The following SERPINB5 variants were observed in gnomAD, a reference collection of about 807,000 sequenced individuals.
SERPINB5 encodes serpin family B member 5, also known as serpin B5.
SERPINB5 carries 27 observed loss-of-function variants against 32.2 expected under a neutral mutation model. The observed-to-expected ratio is 0.84, with a 90% CI of 0.62 to 1.16. SERPINB5 has a LOEUF of 1.16. Ranked by LOEUF, SERPINB5 falls within the 50% of genes most tolerant of loss-of-function variation. The pLI, the probability that SERPINB5 is intolerant of heterozygous loss-of-function variation, is 0.00. For synonymous variants in SERPINB5, 154 were observed against 157.4 expected (o/e 0.98, Z 0.16); for missense variants, 388 against 436.3 (o/e 0.89, Z 0.99).
rs1917177682 is a variant in SERPINB5, at chr18:63,484,688, G to T, written c.168+92G>T. ...TACGGAAAAAAGGAATGTAGACTTT[G>T]TGGCCAGAATTGGTCAAGATTCAGA... On this transcript the variant is annotated intron_variant, in intron 2 of 6. Coordinates refer to ENST00000382771, the MANE Select transcript of SERPINB5 (RefSeq NM_002639.5). 9 of 1,119,368 alleles carry T rather than the reference G, an allele frequency of 8.0e-6. No individual in the cohort carries two copies. In the South Asian group the frequency reaches 1.2e-4, roughly 15 times the overall value. 69.3% of individuals were successfully genotyped at this position (1,119,368 alleles called of 1,614,324 possible). A position where few individuals can be genotyped will look rare whatever the true frequency, so the allele number is the denominator to read the frequency against.
intron 6 of SERPINB5, among the ~76,000 whole-genome samples, chr18:63,500,730 A>G (rs1256099555): frequency 6.6e-6 from 1 of 152,074 alleles, no homozygotes; most frequent in Non-Finnish European, 1.5e-5. Flanking sequence ...GGGCTCTTTG[A>G]AGGCCTGGAT....
intron 2 of SERPINB5, among the ~76,000 whole-genome samples, chr18:63,486,321 T>C: frequency 6.6e-6 from 1 of 152,172 alleles, no homozygotes; most frequent in East Asian, 1.9e-4. Flanking sequence ...CACCATTTAT[T>C]GTAGCTGCCC....
At chr18:63,491,287 A>G (rs916656786) in intron 4 of SERPINB5, among the ~76,000 whole-genome samples, 1 of 150,696 alleles carries the variant, frequency 6.6e-6, no homozygotes, top group Admixed American at 6.6e-5. Context: ...CTGTAGTCCC[A>G]GCTACTTGGG....
At chr18:63,479,263 A>T (rs1599385991) in intron 1 of SERPINB5, among the ~76,000 whole-genome samples, 3 of 152,212 alleles carry the variant, frequency 2.0e-5, no homozygotes, top group African/African-American at 4.8e-5. Flanking sequence ...TGTCCCAGGC[A>T]AAGTGGGATG....
chr18:63,484,700 G>A, intron 2 of SERPINB5, 104 bp downstream of exon 2: 1 of 811,300 alleles, frequency 1.2e-6, no homozygotes, highest in Non-Finnish European at 1.8e-6. Context: ...GGCCAGAATT[G>A]GTCAAGATTC....
At chr18:63,491,347 A>C (rs1441454014) in intron 4 of SERPINB5, among the ~76,000 whole-genome samples, 1 of 138,016 alleles carries the variant, frequency 7.2e-6, no homozygotes, top group African/African-American at 2.7e-5. Flanking sequence ...GGTTGCAATG[A>C]GCTGAGATCG....
At chr18:63,493,398 T>C (rs1909381720) in intron 5 of SERPINB5, 2 of 552,568 alleles carry the variant, frequency 3.6e-6, no homozygotes, top group Admixed American at 3.3e-5. Context: ...CTGAGAACTT[T>C]AGCAGAAAAG....
intron 5 of SERPINB5, chr18:63,493,411 A>G (rs751294630): frequency 3.8e-5 from 21 of 550,624 alleles, no homozygotes; most frequent in Middle Eastern, 4.7e-4. Context: ...CAGAAAAGGA[A>G]AAGACCAAAC....
chr18:63,495,641 A>G (rs558776493), intron 5 of SERPINB5, among the ~76,000 whole-genome samples: 3 of 152,354 alleles, frequency 2.0e-5, no homozygotes, highest in African/African-American at 4.8e-5. Flanking sequence ...TACTTTTTTC[A>G]TTAAGAAAGT....
chr18:63,484,854 C>A (rs541909158), intron 2 of SERPINB5, among the ~76,000 whole-genome samples: 23 of 145,824 alleles, frequency 1.6e-4, no homozygotes, highest in Admixed American at 1.3e-3. Flanking sequence ...GATTGTTGTG[C>A]CTCAGCCTGC....
intron 6 of SERPINB5, among the ~76,000 whole-genome samples, chr18:63,502,998 C>G (rs930715980): frequency 2.0e-5 from 3 of 151,764 alleles, no homozygotes; most frequent in Non-Finnish European, 4.4e-5. Flanking sequence ...CACTCCAGCC[C>G]GGGTGACAGA....
At chr18:63,485,265 T>C (rs935387747) in intron 2 of SERPINB5, among the ~76,000 whole-genome samples, 9 of 150,530 alleles carry the variant, frequency 6.0e-5, no homozygotes, top group African/African-American at 1.9e-4. Context: ...TTTGTAAAGT[T>C]CTTAGACCTT....
intron 5 of SERPINB5, chr18:63,493,448 C>T (rs373929131): frequency 7.4e-5 from 36 of 486,340 alleles, no homozygotes; most frequent in Admixed American, 1.9e-4. Context: ...TTTGGATTAT[C>T]ATGAAACCTT....
intron 2 of SERPINB5, chr18:63,486,008 A>G (rs1373931384): frequency 6.8e-6 from 1 of 146,080 alleles, no homozygotes; most frequent in Non-Finnish European, 1.5e-5. Flanking sequence ...TGGAACAATA[A>G]AAAAAAAAAA....
At position 63,504,392 on chromosome 18, in the gene SERPINB5, G is replaced by A. The variant is rs1051905111; in HGVS notation, c.*670G>A. On this transcript the variant is annotated 3_prime_UTR_variant, in exon 7 of 7. Coordinates refer to ENST00000382771, the MANE Select transcript of SERPINB5 (RefSeq NM_002639.5). ...CCTTAATATGCTGCAACAAAATGTA[G>A]AATATTCAGACAAAATGGATACATA... 6.6e-6 allele frequency: 1 copy of A among 152,190 alleles called. No individual in the cohort carries two copies. The highest frequency in any genetic ancestry group is 1.5e-5 in the Non-Finnish European group (1 of 68,046). 9.4% of individuals were successfully genotyped at this position (152,190 alleles called of 1,614,324 possible).
At position 63,504,227 on chromosome 18, in the gene SERPINB5, A is replaced by G. The variant is rs1259346684; in HGVS notation, c.*505A>G. On this transcript the variant is annotated 3_prime_UTR_variant, in exon 7 of 7. Coordinates refer to ENST00000382771, the MANE Select transcript of SERPINB5 (RefSeq NM_002639.5). ...ATGCTCAGGCTACTATAGGTCCAGA[A>G]GTCCTTATGTTAAGCCCTGGCAGGC... 6.4e-6 allele frequency: 1 copy of G among 155,818 alleles called. No individual in the cohort carries two copies. Among genetic ancestry groups the G allele is most frequent in the Non-Finnish European group, 1.4e-5 (1 of 70,678 alleles). 9.7% of individuals were successfully genotyped at this position (155,818 alleles called of 1,614,324 possible).
intron 2 of SERPINB5, chr18:63,485,893 A>C (rs17062673): frequency 0.18 from 26,986 of 152,836 alleles, 5,619 homozygotes; most frequent in African/African-American, 0.5. Flanking sequence ...TGGGTTGTGG[A>C]ATCACAGCAT....
rs60323388 is a variant in SERPINB5 at position 63,497,499 on chromosome 18, G to GAAAAA, written c.568-1610_568-1606dup. 830 of 223,626 alleles carry GAAAAA rather than the reference G, an allele frequency of 3.7e-3. 7 individuals carry two copies. The highest frequency in any genetic ancestry group is 0.019 in the African/African-American group (754 of 40,346). The allele number at this position is 223,626 out of a possible 1,614,324, so 13.9% of individuals were successfully genotyped here. On this transcript the variant is annotated intron_variant, in intron 5 of 6. Coordinates refer to ENST00000382771, the MANE Select transcript of SERPINB5 (RefSeq NM_002639.5). ...CTTTACCATTGAACACAACGTTTCT[G>GAAAAA]AAAAAAAAAAAAAAAGAGCCAAGCA... is the stretch of plus-strand genomic sequence containing the variant.
intron 3 of SERPINB5, among the ~76,000 whole-genome samples, chr18:63,487,787 A>G (rs1385087176): frequency 6.6e-6 from 1 of 152,202 alleles, no homozygotes; most frequent in African/African-American, 2.4e-5. Context: ...TCAGTAACAC[A>G]GAGTTGATTT....
Sources: gnomAD v4.1 joint callset for allele counts (sites outside exome capture counted in the v4.1 genomes callset) on GRCh38, gnomAD v4.1.1 for gene constraint, MANE v1.5 for transcripts, NCBI Gene and HGNC (gene_info 2026-07-23, HGNC 2026-07-21) for gene names.